CFAP144: variants seen among roughly 807,000 people sequenced by gnomAD.
The protein encoded by CFAP144 is cilia and flagella associated protein 144, also known as cilia- and flagella-associated protein 144.
the CFAP144 span, among the ~76,000 whole-genome samples, chr1:43,148,418 G>C: frequency 6.6e-6 from 1 of 152,140 alleles, no homozygotes; most frequent in Non-Finnish European, 1.5e-5. Context: ...TTTTTAACAA[G>C]TGAAAGGTTT....
chr1:43,150,721 T>A, the CFAP144 span: 3,510 of 1,560,450 alleles, frequency 2.2e-3, 61 homozygotes, highest in African/African-American at 0.042. Flanking sequence ...GGAACTCATG[T>A]TTTAATCTGA....
the CFAP144 span, among the ~76,000 whole-genome samples, chr1:43,147,659 C>G: frequency 6.6e-6 from 1 of 152,342 alleles, no homozygotes; most frequent in South Asian, 2.1e-4. Flanking sequence ...AAGCCCTTTC[C>G]TGGCGGTATC....
the CFAP144 span, among the ~76,000 whole-genome samples, chr1:43,152,169 G>T: frequency 6.6e-6 from 1 of 152,100 alleles, no homozygotes; most frequent in East Asian, 1.9e-4. Flanking sequence ...TCCATTGTCC[G>T]CCTGCGTCTC....
the CFAP144 span, among the ~76,000 whole-genome samples, chr1:43,148,962 C>G: frequency 6.6e-6 from 1 of 152,166 alleles, no homozygotes; most frequent in African/African-American, 2.4e-5. Flanking sequence ...TACTTTCATG[C>G]TCTAAGTAGC....
At chr1:43,148,223 G>A in the CFAP144 span, 1 of 879,306 alleles carries the variant, frequency 1.1e-6, no homozygotes. Context: ...TAGATTTCAG[G>A]AACCATGACT....
chr1:43,147,826 C>T, the CFAP144 span: 5 of 1,515,778 alleles, frequency 3.3e-6, no homozygotes, highest in South Asian at 6.3e-5. Flanking sequence ...CCCGCCCCGA[C>T]CGGGCAGCAC....
the CFAP144 span, chr1:43,156,110 G>T: frequency 1.1e-6 from 1 of 952,294 alleles, no homozygotes. Flanking sequence ...CAGGCTGGGA[G>T]GGTGGAGCCT....
At chr1:43,150,095 C>T in the CFAP144 span, among the ~76,000 whole-genome samples, 1 of 152,204 alleles carries the variant, frequency 6.6e-6, no homozygotes, top group Non-Finnish European at 1.5e-5. Flanking sequence ...ACCCCAGCCC[C>T]AACGCCAACT....
the CFAP144 span, chr1:43,148,090 A>G: frequency 2.1e-4 from 340 of 1,597,414 alleles, no homozygotes; most frequent in Non-Finnish European, 3.1e-5. Context: ...CAAGAGTGAG[A>G]GGCACGGCGG....
At chr1:43,154,806 G>T in the CFAP144 span, among the ~76,000 whole-genome samples, 1 of 152,306 alleles carries the variant, frequency 6.6e-6, no homozygotes, top group Admixed American at 6.5e-5. Context: ...TCTGATTACA[G>T]CATGGGCAAG....
At chr1:43,147,873 G>A in the CFAP144 span, 1 of 1,574,742 alleles carries the variant, frequency 6.4e-7, no homozygotes, top group Non-Finnish European at 8.6e-7. Flanking sequence ...ACGGGACGCC[G>A]TTGCCTGGAG....
At chr1:43,148,784 T>C in the CFAP144 span, among the ~76,000 whole-genome samples, 17,491 of 152,038 alleles carry the variant, frequency 0.12, 1,423 homozygotes, top group East Asian at 0.29. Context: ...TCTAATGATC[T>C]CATGATCATT....
the CFAP144 span, among the ~76,000 whole-genome samples, chr1:43,154,097 T>C: frequency 7.8e-6 from 1 of 128,132 alleles, no homozygotes; most frequent in Non-Finnish European, 1.7e-5. Context: ...TATATATATA[T>C]ATACTCTCTT....
At chr1:43,154,201 A>ATTATATATAAATTATTATATAAATTT in the CFAP144 span, among the ~76,000 whole-genome samples, 3 of 139,158 alleles carry the variant, frequency 2.2e-5, no homozygotes, top group South Asian at 2.1e-4. Context: ...TATAAATAAA[A>ATTATATATAAATTATTATATAAATTT]TTATATATAA....
At chr1:43,148,008 C>A in the CFAP144 span, 1 of 1,614,054 alleles carries the variant, frequency 6.2e-7, no homozygotes, top group Non-Finnish European at 8.5e-7. Flanking sequence ...AGAACCAGAT[C>A]TTGCGGGAAC....
the CFAP144 span, chr1:43,145,301 A>T: frequency 6.5e-7 from 1 of 1,548,264 alleles, no homozygotes; most frequent in Non-Finnish European, 8.7e-7. Context: ...CTGGAGGGTA[A>T]GTCTTGTCGA....
At chr1:43,154,339 C>A in the CFAP144 span, among the ~76,000 whole-genome samples, 2 of 144,350 alleles carry the variant, frequency 1.4e-5, no homozygotes, top group African/African-American at 2.5e-5. Flanking sequence ...TATATCCCCT[C>A]TTTTTATATA....
At chr1:43,143,246 A>G in the CFAP144 span, among the ~76,000 whole-genome samples, 1 of 152,220 alleles carries the variant, frequency 6.6e-6, no homozygotes, top group Non-Finnish European at 1.5e-5. Context: ...TTCAGAGAAT[A>G]AGTAGAGTCT....
chr1:43,152,023 C>A, the CFAP144 span, among the ~76,000 whole-genome samples: 970 of 152,192 alleles, frequency 6.4e-3, 9 homozygotes, highest in African/African-American at 0.023. Flanking sequence ...CCTTGAATCA[C>A]CTTCCTTCAT....
Sources: gnomAD v4.1 joint callset for allele counts (sites outside exome capture counted in the v4.1 genomes callset) on GRCh38, gnomAD v4.1.1 for gene constraint, MANE v1.5 for transcripts, NCBI Gene and HGNC (gene_info 2026-07-23, HGNC 2026-07-21) for gene names.